ENOX1: variants seen among roughly 807,000 people sequenced by gnomAD.
ENOX1 encodes the protein candidate growth-related and time keeping constitutive hydroquinone (NADH) oxidase.
Under a neutral mutation model 82.5 loss-of-function variants are expected in ENOX1, and 42 were observed. The observed-to-expected ratio is 0.51, with a 90% CI of 0.40 to 0.66. The LOEUF (loss-of-function observed/expected upper bound fraction) is 0.66, where lower values mean the gene tolerates loss of function less well. Ranked by LOEUF, ENOX1 falls within the 30% of genes least tolerant of loss-of-function variation. ENOX1 has a pLI of 0.00. For synonymous variants in ENOX1, 271 were observed against 282.2 expected (o/e 0.96, Z 0.40); for missense variants, 608 against 811.6 (o/e 0.75, Z 3.05).
At chr13:43,385,454 G>C (rs1323152) in intron 5 of ENOX1, among the ~76,000 whole-genome samples, 1 of 151,708 alleles carries the variant, frequency 6.6e-6, no homozygotes, top group Non-Finnish European at 1.5e-5. Context: ...AAAAACAAAA[G>C]GGAAATTTAA....
At chr13:43,707,704 G>GCC (rs2087392820) in intron 1 of ENOX1, among the ~76,000 whole-genome samples, 1 of 116,856 alleles carries the variant, frequency 8.6e-6, no homozygotes, top group African/African-American at 3.3e-5. Flanking sequence ...CTGAACTCCA[G>GCC]CCTGGTGACA....
intron 14 of ENOX1, among the ~76,000 whole-genome samples, chr13:43,237,512 G>T (rs967657681): frequency 1.6e-4 from 25 of 152,294 alleles, no homozygotes; most frequent in African/African-American, 3.8e-4. Context: ...GGGAAGTTGA[G>T]TCTTACTGGA....
At chr13:43,562,373 A>G (rs897163313) in intron 2 of ENOX1, among the ~76,000 whole-genome samples, 6 of 152,138 alleles carry the variant, frequency 3.9e-5, no homozygotes, top group African/African-American at 1.4e-4. Flanking sequence ...ATAAAAAAAT[A>G]CAATAGATAC....
intron 1 of ENOX1, among the ~76,000 whole-genome samples, chr13:43,691,545 T>A (rs2086364891): frequency 6.6e-6 from 1 of 152,086 alleles, no homozygotes. Context: ...TTTCACACCA[T>A]ACACACACAG....
intron 1 of ENOX1, among the ~76,000 whole-genome samples, chr13:43,680,521 C>T (rs1163417157): frequency 4.6e-5 from 7 of 152,232 alleles, no homozygotes; most frequent in Admixed American, 6.5e-5. Context: ...AGACTGAGTG[C>T]ATAGGGTAAT....
rs541571060 is a variant in ENOX1 at position 43,397,706 on chromosome 13, T to C, written c.208+14210A>G. ...TCTTCTATGATAGATAGCAAGATAA[T>C]GTCCCTGTTAAAGAGGAAAATATAG... On this transcript the variant is annotated intron_variant, in intron 5 of 16. Transcript: ENST00000690772. Among the ~76,000 whole-genome samples the C allele has an allele frequency of 2.0e-5, 3 of 152,354 alleles. No individual in the cohort carries two copies. The South Asian group carries it at 6.2e-4, about 32-fold the overall frequency.
At chr13:43,313,536 G>A (rs2047325431) in intron 11 of ENOX1, among the ~76,000 whole-genome samples, 1 of 151,872 alleles carries the variant, frequency 6.6e-6, no homozygotes, top group African/African-American at 2.4e-5. Flanking sequence ...AATATTTATT[G>A]TAGTTTTAAT....
intron 2 of ENOX1, among the ~76,000 whole-genome samples, chr13:43,536,082 A>G (rs1038285578): frequency 6.6e-6 from 1 of 152,228 alleles, no homozygotes; most frequent in Non-Finnish European, 1.5e-5. Flanking sequence ...TGGAAGGTAA[A>G]AGCCCTATTA....
At chr13:43,566,353 GGT>G in intron 2 of ENOX1, among the ~76,000 whole-genome samples, 1 of 151,846 alleles carries the variant, frequency 6.6e-6, no homozygotes, top group Non-Finnish European at 1.5e-5. Context: ...ACAAATTATA[GGT>G]ATTTTGATAT....
chr13:43,472,899 C>T (rs1039714388), intron 3 of ENOX1, among the ~76,000 whole-genome samples: 1 of 152,138 alleles, frequency 6.6e-6, no homozygotes, highest in Non-Finnish European at 1.5e-5. Context: ...ATTAATTTCA[C>T]AAATACAATT....
chr13:43,214,402 C>T (rs1222601006), intron 16 of ENOX1, among the ~76,000 whole-genome samples: 1 of 152,096 alleles, frequency 6.6e-6, no homozygotes, highest in Admixed American at 6.5e-5. Flanking sequence ...TCCTGAACAG[C>T]CCTCCCCTGA....
chr13:43,286,975 C>A (rs528801340), intron 12 of ENOX1, among the ~76,000 whole-genome samples: 2 of 152,140 alleles, frequency 1.3e-5, no homozygotes, highest in Non-Finnish European at 2.9e-5. Context: ...AGTTCTGAAG[C>A]ACTGCTTTCA....
intron 1 of ENOX1, among the ~76,000 whole-genome samples, chr13:43,708,943 T>C (rs1170213486): frequency 6.6e-6 from 1 of 151,980 alleles, no homozygotes; most frequent in Non-Finnish European, 1.5e-5. Flanking sequence ...ATTCCCAGAG[T>C]GGCTTTAAAA....
chr13:43,467,637 G>A (rs934790324), intron 3 of ENOX1, among the ~76,000 whole-genome samples: 1 of 151,786 alleles, frequency 6.6e-6, no homozygotes, highest in African/African-American at 2.4e-5. Flanking sequence ...AGTGTCCTTT[G>A]AAGCACAAAA....
chr13:43,414,859 CT>C (rs1403151708), intron 3 of ENOX1, among the ~76,000 whole-genome samples: 1 of 152,182 alleles, frequency 6.6e-6, no homozygotes, highest in African/African-American at 2.4e-5. Context: ...GAACATCCCT[CT>C]ACTTTGTAGG....
intron 1 of ENOX1, among the ~76,000 whole-genome samples, chr13:43,759,335 T>C (rs749154212): frequency 2.7e-4 from 41 of 152,094 alleles, no homozygotes; most frequent in Non-Finnish European, 5.6e-4. Flanking sequence ...TGACCTCAAG[T>C]GATCCACCTG....
intron 1 of ENOX1, among the ~76,000 whole-genome samples, chr13:43,772,663 C>T (rs1163490375): frequency 6.7e-6 from 1 of 149,278 alleles, no homozygotes; most frequent in Non-Finnish European, 1.5e-5. Context: ...GCAAGAGAAT[C>T]ACATGAACCC....
At chr13:43,532,696 A>C (rs887053393) in intron 2 of ENOX1, among the ~76,000 whole-genome samples, 13 of 152,134 alleles carry the variant, frequency 8.5e-5, no homozygotes, top group African/African-American at 2.4e-4. Context: ...AACAGGTTGA[A>C]TAGTAATGCA....
chr13:43,315,569 G>A lies in ENOX1; in HGVS notation c.1261+6815C>T, dbSNP rs190169485. On this transcript the variant is annotated intron_variant, in intron 11 of 16. Coordinates refer to ENST00000690772, the MANE Select transcript of ENOX1 (RefSeq NM_001347969.2). ...ATTTTTTCTAGAAGTTGTGCAAACCGCACTTAAATTCCAACAACACTGTGT... is the reference window on the plus strand; with the variant it reads ...ATTTTTTCTAGAAGTTGTGCAAACCACACTTAAATTCCAACAACACTGTGT... 4.6e-5 allele frequency among the ~76,000 whole-genome samples: 7 copies of A among 152,300 alleles called. No homozygotes were observed. In the East Asian group the frequency reaches 7.7e-4, roughly 17 times the overall value.
Sources: gnomAD v4.1 joint callset for allele counts (sites outside exome capture counted in the v4.1 genomes callset) on GRCh38, gnomAD v4.1.1 for gene constraint, MANE v1.5 for transcripts, NCBI Gene and HGNC (gene_info 2026-07-23, HGNC 2026-07-21) for gene names.